Variants in PCCB observed in about 807,000 individuals in gnomAD.
PCCB encodes propionyl-CoA carboxylase subunit beta, also known as propionyl-CoA carboxylase beta chain, mitochondrial.
PCCB carries 43 observed loss-of-function variants against 60.7 expected under a neutral mutation model. The ratio of observed to expected loss-of-function variants is 0.71; its 90% CI spans 0.55 to 0.91. PCCB has a LOEUF of 0.91. PCCB is among the 40% of genes least tolerant of loss of function. PCCB has a pLI of 0.00. For missense variants in PCCB, 766 were observed against 702.8 expected (o/e 1.09, Z -1.02); for synonymous variants, 276 against 255.9 (o/e 1.08, Z -0.75).
At chr3:136,302,429 CT>C (rs1352578830) in intron 9 of PCCB, among the ~76,000 whole-genome samples, 1 of 121,380 alleles carries the variant, frequency 8.2e-6, no homozygotes, top group Non-Finnish European at 1.8e-5. Flanking sequence ...CATCTTCTAA[CT>C]TTTTCTTAAG....
chr3:136,273,597 CTTTTTTTTTTTT>C, intron 5 of PCCB, among the ~76,000 whole-genome samples: 1 of 45,222 alleles, frequency 2.2e-5, no homozygotes. Flanking sequence ...TTTCTTTTTT[CTTTTTTTTTTTT>C]TTTTTTTTTT....
At chr3:136,301,154 C>A in intron 9 of PCCB, 43 bp downstream of exon 9, 1 of 1,450,822 alleles carries the variant, frequency 6.9e-7, no homozygotes, top group Non-Finnish European at 9.7e-7. Context: ...TAGTCAGCCA[C>A]ATTCATGGGC....
At chr3:136,276,832 A>G (rs1448669020) in intron 5 of PCCB, among the ~76,000 whole-genome samples, 1 of 152,136 alleles carries the variant, frequency 6.6e-6, no homozygotes, top group Non-Finnish European at 1.5e-5. Flanking sequence ...TCTCTGCTGA[A>G]AGGAACTTCC....
intron 5 of PCCB, among the ~76,000 whole-genome samples, chr3:136,280,115 G>A (rs1942437582): frequency 6.6e-6 from 1 of 152,112 alleles, no homozygotes; most frequent in African/African-American, 2.4e-5. Context: ...ATTTACCTAG[G>A]AAGTTACATT....
In PCCB at chr3:136,250,410, C is replaced by G. The variant is rs1257439275; in HGVS notation, c.35C>G (p.Ala12Gly). The G allele has an allele frequency of 1.9e-6, 3 of 1,574,120 alleles. No homozygotes were observed. In the Admixed American group the frequency reaches 5.5e-5, roughly 29 times the overall value. Residue 12 changes from alanine to glycine, a missense_variant, in exon 1 of 15, where the codon GCA becomes GGA. Ala to Gly is a moderately conservative substitution (Grantham distance 60). Coordinates refer to ENST00000251654, the MANE Select transcript of PCCB (RefSeq NM_000532.5). ...AAALRVAAVG[A>G]RLSVLASGLR... ...GCATTACGGGTGGCGGCGGTCGGGG[C>G]AAGGCTCAGCGTTCTGGCGAGCGGT...
In PCCB at chr3:136,314,675, C is replaced by CAA. The variant is rs201930468; in HGVS notation, c.967-2260_967-2259dup. Among the ~76,000 whole-genome samples, 1,092 of 149,892 alleles carry CAA rather than the reference C, an allele frequency of 7.3e-3. 16 individuals carry two copies. Among genetic ancestry groups the CAA allele is most frequent in the African/African-American group, 0.026 (1,038 of 40,534 alleles). ...GTCTCAAGAAAAACAAAAACAAAAA[C>CAA]AAAAAAACAAAACAAAAAAACTCAC... is the stretch of plus-strand genomic sequence containing the variant. On this transcript the variant is annotated intron_variant, in intron 9 of 14. Coordinates refer to ENST00000251654, the MANE Select transcript of PCCB (RefSeq NM_000532.5).
intron 1 of PCCB, among the ~76,000 whole-genome samples, chr3:136,254,377 C>A (rs979110961): frequency 6.6e-6 from 1 of 151,628 alleles, no homozygotes; most frequent in African/African-American, 2.4e-5. Context: ...TGCTACCAAG[C>A]CCAGCTAATT....
chr3:136,257,426 C>G (rs1941702023), intron 3 of PCCB, among the ~76,000 whole-genome samples: 1 of 152,152 alleles, frequency 6.6e-6, no homozygotes, highest in Non-Finnish European at 1.5e-5. Flanking sequence ...TAATTTTAGC[C>G]CAGTCAATCC....
intron 6 of PCCB, among the ~76,000 whole-genome samples, chr3:136,287,048 T>A (rs201618457): frequency 0.015 from 2,247 of 148,154 alleles, 48 homozygotes; most frequent in East Asian, 0.048. Flanking sequence ...AAAAAAAAAA[T>A]AATAAAAATA....
chr3:136,289,789 C>CTT lies in PCCB; in HGVS notation c.655-3959_655-3958dup, dbSNP rs147625921. The stretch of plus-strand genomic sequence containing the variant: ...TTTTCTCCTTTATTAACATGTTATA[C>CTT]TTTTTTTTTACCTTCTTCAGTGGTT... On this transcript the variant is annotated intron_variant, in intron 6 of 14. Transcript: ENST00000251654. 1.3e-3 allele frequency among the ~76,000 whole-genome samples: 188 copies of CTT among 141,846 alleles called. 6 individuals are homozygous for CTT. Among genetic ancestry groups the CTT allele is most frequent in the South Asian group, 3.1e-3 (14 of 4,466 alleles). The allele number at this position is 141,846 out of a possible 152,430, so 93.1% of individuals were successfully genotyped here.
intron 6 of PCCB, among the ~76,000 whole-genome samples, chr3:136,285,941 C>T (rs927814443): frequency 2.0e-5 from 3 of 152,106 alleles, no homozygotes; most frequent in Non-Finnish European, 2.9e-5. Context: ...AATACTAAGT[C>T]TTTTTTAAAG....
chr3:136,283,067 C>T (rs1942522331), intron 5 of PCCB, among the ~76,000 whole-genome samples: 1 of 152,180 alleles, frequency 6.6e-6, no homozygotes, highest in Non-Finnish European at 1.5e-5. Context: ...TTACATTTTG[C>T]ACTGTCCTTA....
At chr3:136,325,803 A>G (rs1935285384) in intron 10 of PCCB, among the ~76,000 whole-genome samples, 1 of 152,070 alleles carries the variant, frequency 6.6e-6, no homozygotes, top group South Asian at 2.1e-4. Flanking sequence ...GATAAACCCC[A>G]CTTGGACATG....
chr3:136,250,682 G>A (rs1441440962), intron 1 of PCCB, 124 bp downstream of exon 1: 1 of 966,458 alleles, frequency 1.0e-6, no homozygotes, highest in Non-Finnish European at 1.5e-6. Context: ...GCCGGAGCAA[G>A]GGTGTTCACC....
At chr3:136,317,211 AAT>A in intron 10 of PCCB, 147 bp downstream of exon 10, 1 of 322,740 alleles carries the variant, frequency 3.1e-6, no homozygotes, top group Non-Finnish European at 5.0e-6. Context: ...TATAAAAGCT[AAT>A]TTTTTTTTTT....
intron 7 of PCCB, among the ~76,000 whole-genome samples, chr3:136,296,700 A>C (rs1316610762): frequency 6.6e-6 from 1 of 152,242 alleles, no homozygotes; most frequent in Admixed American, 6.5e-5. Context: ...CCATTTATAA[A>C]TATTTTTTGA....
At chr3:136,279,136 A>G (rs189981892) in intron 5 of PCCB, among the ~76,000 whole-genome samples, 96 of 152,236 alleles carry the variant, frequency 6.3e-4, no homozygotes, top group African/African-American at 2.3e-3. Context: ...TACCCTTTGC[A>G]TGGAATATTT....
At chr3:136,328,546 G>C (rs572056358) in intron 13 of PCCB, among the ~76,000 whole-genome samples, 1 of 152,338 alleles carries the variant, frequency 6.6e-6, no homozygotes, top group African/African-American at 2.4e-5. Flanking sequence ...TGGGGCCACA[G>C]GGAAGCATCA....
At chr3:136,279,062 T>C (rs1181298938) in intron 5 of PCCB, among the ~76,000 whole-genome samples, 1 of 152,212 alleles carries the variant, frequency 6.6e-6, no homozygotes, top group Non-Finnish European at 1.5e-5. Flanking sequence ...GTCTCTCTAG[T>C]AAGTTTTTGA....
Sources: gnomAD v4.1 joint callset for allele counts (sites outside exome capture counted in the v4.1 genomes callset) on GRCh38, gnomAD v4.1.1 for gene constraint, MANE v1.5 for transcripts, NCBI Gene and HGNC (gene_info 2026-07-23, HGNC 2026-07-21) for gene names.